The following LRRC9 variants were observed in gnomAD, a reference collection of about 807,000 sequenced individuals.
LRRC9 encodes the protein leucine rich repeat containing 9, also known as leucine-rich repeat-containing protein 9.
A neutral mutation model predicts 63.2 loss-of-function variants in LRRC9; 122 were observed. The ratio of observed to expected loss-of-function variants is 1.93; its 90% CI spans 1.67 to 2.24. The LOEUF is 2.24. LRRC9 is among the 30% of genes most tolerant of loss of function. The pLI is 0.00. For missense variants in LRRC9, 1,071 were observed against 627.7 expected (o/e 1.71, Z -7.55); for synonymous variants, 366 against 213.1 (o/e 1.72, Z -6.25).
chr14:59,930,903 C>T lies in LRRC9; in HGVS notation c.268-15C>T. On this transcript the variant is annotated splice_polypyrimidine_tract_variant and intron_variant, in intron 3 of 31. Coordinates refer to ENST00000445360, the Ensembl canonical transcript of LRRC9. The surrounding 1 kb of genome is among the most constrained non-coding windows in gnomAD (Gnocchi z 4.9). ...AACATAAACTAACATTATTCAGTCT[C>T]CTTTTCTTTTACAGAAAATTGAAGG... 2.4e-6 allele frequency: 1 copy of T among 418,514 alleles called. No individual in the cohort carries two copies. The highest frequency in any genetic ancestry group is 4.1e-5 in the East Asian group (1 of 24,352). 25.9% of individuals were successfully genotyped at this position (418,514 alleles called of 1,614,324 possible).
chr14:60,057,809 T>A, intron 30 of LRRC9, 69 bp from the exon 31 acceptor site: 1 of 510,542 alleles, frequency 2.0e-6, no homozygotes, highest in Non-Finnish European at 3.6e-6. Flanking sequence ...AGACTTGTTA[T>A]AAGGATTAAG....
chr14:60,057,493 A>G lies in LRRC9; in HGVS notation c.4132-385A>G, dbSNP rs1017148629. 1.9e-5 allele frequency: 3 copies of G among 154,860 alleles called. No individual in the cohort carries two copies. The Admixed American group carries it at 2.0e-4, about 10-fold the overall frequency. The allele number at this position is 154,860 out of a possible 1,614,324, so 9.6% of individuals were successfully genotyped here. ...ACAAAGATTTTGAGAAATAACTTTT[A>G]CCTCCCAGAAATTCTATTCACACAC... On this transcript the variant is annotated intron_variant, in intron 30 of 31. Coordinates refer to ENST00000445360, the Ensembl canonical transcript of LRRC9.
chr14:59,959,462 T>A (rs1240527908), intron 8 of LRRC9, among the ~76,000 whole-genome samples: 1 of 152,264 alleles, frequency 6.6e-6, no homozygotes, highest in Non-Finnish European at 1.5e-5. Flanking sequence ...TAAATATTTG[T>A]ACTAAAATCA....
At chr14:60,044,608 CTT>C (rs1246254020) in intron 29 of LRRC9, among the ~76,000 whole-genome samples, 1 of 152,102 alleles carries the variant, frequency 6.6e-6, no homozygotes, top group Non-Finnish European at 1.5e-5. Context: ...CAAGGTTCCT[CTT>C]GTTATTGATT....
At chr14:60,063,652 C>T (rs545098091), downstream of LRRC9, 247 of 328,632 alleles carry the variant, frequency 7.5e-4, 1 homozygote, top group Non-Finnish European at 1.3e-3. Flanking sequence ...ACAAAAGTGA[C>T]ATGAAACAAA....
exon 14 of LRRC9, chr14:59,977,285 C>G (rs1224761124): frequency 1.4e-6 from 1 of 700,812 alleles, no homozygotes; most frequent in Non-Finnish European, 2.6e-6. Flanking sequence ...GAAAAAGAAT[C>G]CATCAGTCAA....
intron 23 of LRRC9, 77 bp from the exon 24 acceptor site, chr14:60,016,583 T>G: frequency 1.7e-6 from 1 of 595,812 alleles, no homozygotes; most frequent in South Asian, 2.0e-5. Flanking sequence ...TCCACTGAAT[T>G]TTTACCTAAA....
intron 17 of LRRC9, among the ~76,000 whole-genome samples, chr14:59,991,455 G>A (rs562563650): frequency 5.6e-4 from 85 of 152,266 alleles, no homozygotes; most frequent in Middle Eastern, 3.4e-3. Context: ...ACTGGGGAGT[G>A]TCGGAAAGTG....
rs912054092 is a variant in LRRC9, at chr14:59,960,867, G to A, written c.1080-47G>A. 2.1e-5 allele frequency: 11 copies of A among 520,260 alleles called. No homozygotes were observed. The Admixed American group carries it at 3.2e-4, about 15-fold the overall frequency. The allele number at this position is 520,260 out of a possible 1,614,324, so 32.2% of individuals were successfully genotyped here. ...AATCTATCATAAGTTTTAATGTTGC[G>A]ATTTTTAGATCATTCTAATAGCTGT... On this transcript the variant is annotated intron_variant, in intron 9 of 31. Transcript: ENST00000445360.
At chr14:59,979,712 C>T (rs1886716090) in intron 15 of LRRC9, among the ~76,000 whole-genome samples, 1 of 150,302 alleles carries the variant, frequency 6.7e-6, no homozygotes, top group Non-Finnish European at 1.5e-5. Context: ...TAAACTATCG[C>T]AAGGACAAAA....
downstream of LRRC9, among the ~76,000 whole-genome samples, chr14:60,064,667 G>A (rs1894838234): frequency 6.6e-6 from 1 of 152,174 alleles, no homozygotes; most frequent in African/African-American, 2.4e-5. Flanking sequence ...AAACAACTAT[G>A]CAGTTCTTAA....
intron 20 of LRRC9, 136 bp downstream of exon 20, chr14:60,002,236 A>C (rs1159854435): frequency 2.0e-6 from 1 of 491,046 alleles, no homozygotes; most frequent in East Asian, 3.2e-5. Context: ...TAAAATAGGG[A>C]AGAAACACTT....
intron 31 of LRRC9, among the ~76,000 whole-genome samples, chr14:60,061,363 C>T (rs1894647891): frequency 6.6e-6 from 1 of 152,196 alleles, no homozygotes; most frequent in South Asian, 2.1e-4. Flanking sequence ...CAGCCAACAA[C>T]ACTGAGACAA....
intron 30 of LRRC9, among the ~76,000 whole-genome samples, chr14:60,056,552 A>T (rs1433737363): frequency 1.3e-5 from 2 of 152,186 alleles, no homozygotes; most frequent in East Asian, 3.9e-4. Context: ...ATCTTGAGTT[A>T]TTCTAGATAC....
At chr14:60,057,848 T>C in intron 30 of LRRC9, 30 bp from the exon 31 acceptor site, 2 of 616,630 alleles carry the variant, frequency 3.2e-6, no homozygotes, top group Non-Finnish European at 6.1e-6. Context: ...GGAGATGAGA[T>C]GTTATTAACT....
intron 12 of LRRC9, chr14:59,968,981 C>A (rs1226245477): frequency 6.9e-6 from 1 of 145,566 alleles, no homozygotes. Flanking sequence ...GGAAAAAAAA[C>A]ACTATAATTT....
At chr14:60,038,626 G>A (rs906314504) in intron 29 of LRRC9, among the ~76,000 whole-genome samples, 10 of 152,242 alleles carry the variant, frequency 6.6e-5, no homozygotes, top group South Asian at 2.1e-4. Flanking sequence ...TGTATCCTGC[G>A]ACTTTGCTGA....
At chr14:60,052,162 C>T (rs2140433242) in intron 29 of LRRC9, among the ~76,000 whole-genome samples, 1 of 152,276 alleles carries the variant, frequency 6.6e-6, no homozygotes, top group Admixed American at 6.5e-5. Flanking sequence ...ATCCTTTCCA[C>T]CACTGTATGC....
intron 29 of LRRC9, among the ~76,000 whole-genome samples, chr14:60,038,489 G>GT (rs1224648276): frequency 2.0e-5 from 3 of 152,162 alleles, no homozygotes; most frequent in Non-Finnish European, 4.4e-5. Context: ...CACATCCCTT[G>GT]TAAGTTAGAT....
Sources: allele counts gnomAD v4.1 joint callset (sites outside exome capture counted in the v4.1 genomes callset), GRCh38; gene constraint gnomAD v4.1.1; non-coding constraint Gnocchi (gnomAD v3.1); transcripts MANE v1.5; gene names NCBI Gene and HGNC (gene_info 2026-07-23, HGNC 2026-07-21).